The following ADAMTS17 variants were observed in gnomAD, a reference collection of about 807,000 sequenced individuals.
ADAMTS17 encodes A disintegrin and metalloproteinase with thrombospondin motifs 17.
In ADAMTS17, 113 loss-of-function variants were observed where a neutral mutation model predicts 141.5. The ratio of observed to expected loss-of-function variants is 0.80; its 90% CI spans 0.69 to 0.93. ADAMTS17 has a LOEUF of 0.93. Ranked by LOEUF, ADAMTS17 falls within the 40% of genes least tolerant of loss-of-function variation. The probability of loss-of-function intolerance (pLI) is 0.00; values close to 1 mark genes in which losing one functional copy is unlikely to be tolerated. For synonymous variants in ADAMTS17, 768 were observed against 630.6 expected (o/e 1.22, Z -3.27); for missense variants, 1,659 against 1,517.9 (o/e 1.09, Z -1.54).
At chr15:100,201,309 A>T (rs2041323131) in intron 7 of ADAMTS17, among the ~76,000 whole-genome samples, 1 of 151,780 alleles carries the variant, frequency 6.6e-6, no homozygotes, top group African/African-American at 2.4e-5. Flanking sequence ...TGATGGTTTT[A>T]GGAGTGTTTG....
At chr15:100,023,111 G>A (rs1368676977) in intron 18 of ADAMTS17, among the ~76,000 whole-genome samples, 1 of 152,176 alleles carries the variant, frequency 6.6e-6, no homozygotes, top group East Asian at 1.9e-4. Flanking sequence ...TCAAGACCCT[G>A]AGAAAAGAGA....
intron 7 of ADAMTS17, 113 bp from the exon 8 acceptor site, chr15:100,199,536 T>C (rs1487648653): frequency 1.1e-6 from 1 of 879,594 alleles, no homozygotes; most frequent in African/African-American, 1.6e-5. Flanking sequence ...ACGGCAACAA[T>C]GGTGACTATG....
Position 100,262,021 on chromosome 15 carries a change from G to A in ADAMTS17, c.873+331C>T, listed in dbSNP as rs188625419. 2.2e-4 allele frequency among the ~76,000 whole-genome samples: 33 copies of A among 152,260 alleles called. 1 individual carries two copies. In the East Asian group the frequency reaches 6.4e-3, roughly 29 times the overall value. ...GATGCTGCCATGAACCCAAACTGGG[G>A]TCGAAGCTCTAATGTAGTTTCAGAA... On this transcript the variant is annotated intron_variant, in intron 5 of 21. Transcript: ENST00000268070.
chr15:100,110,861 G>C (rs1392033950), intron 13 of ADAMTS17, among the ~76,000 whole-genome samples: 2 of 152,136 alleles, frequency 1.3e-5, no homozygotes, highest in African/African-American at 4.8e-5. Flanking sequence ...CCCACCTGCA[G>C]AGTTCCTGTC....
intron 18 of ADAMTS17, among the ~76,000 whole-genome samples, chr15:100,003,834 A>G (rs527588836): frequency 6.6e-6 from 1 of 152,024 alleles, no homozygotes; most frequent in Admixed American, 6.5e-5. Context: ...ATAGAGACAA[A>G]GTAGAATGAT....
At position 99,997,479 on chromosome 15, in the gene ADAMTS17, C is replaced by A; in HGVS notation, c.2702G>T (p.Arg901Leu). Residue 901 changes from arginine to leucine, a missense_variant, in exon 19 of 22, where the codon CGG becomes CTG. Arg to Leu is a moderately radical substitution (Grantham distance 102, BLOSUM62 -2). Coordinates refer to ENST00000268070, the MANE Select transcript of ADAMTS17 (RefSeq NM_139057.4). The surrounding 1 kb of genome is among the most constrained non-coding windows in gnomAD (Gnocchi z 4.7). ...QLQNGTHVAT[R>L]PLYCPGPRPA... is the part of the protein sequence containing the mutation. ...CCGGGGGCCCGGGCAGTAGAGGGGC[C>A]GCGTAGCGACGTGTGTGCCGTTCTG... 6.2e-7 allele frequency: 1 copy of A among 1,613,486 alleles called. No individual in the cohort carries two copies. Among genetic ancestry groups the A allele is most frequent in the Non-Finnish European group, 8.5e-7 (1 of 1,179,968 alleles).
chr15:100,004,618 T>TA (rs2061001004), intron 18 of ADAMTS17, among the ~76,000 whole-genome samples: 1 of 23,510 alleles, frequency 4.3e-5, no homozygotes, highest in African/African-American at 2.7e-4. Flanking sequence ...ACTGTAATTC[T>TA]TTTTTTTTTT....
At position 100,133,364 on chromosome 15, in the gene ADAMTS17, C is replaced by G. The variant is rs575472375; in HGVS notation, c.1474-49G>C. Reference sequence around the variant, plus strand: ...TAATTGTGGAGAACACCCACACTCACAGGTCACAGCTGGGGTCAGAGGTGT... The same window carrying G: ...TAATTGTGGAGAACACCCACACTCAGAGGTCACAGCTGGGGTCAGAGGTGT... On this transcript the variant is annotated intron_variant, in intron 10 of 21. Transcript: ENST00000268070. 2.0e-5 allele frequency: 30 copies of G among 1,527,086 alleles called. No homozygotes were observed. The East Asian group carries it at 2.2e-4, about 11-fold the overall frequency. 94.6% of individuals were successfully genotyped at this position (1,527,086 alleles called of 1,614,324 possible).
intron 15 of ADAMTS17, among the ~76,000 whole-genome samples, chr15:100,087,548 T>C (rs1256927570): frequency 6.6e-6 from 1 of 152,190 alleles, no homozygotes; most frequent in African/African-American, 2.4e-5. Flanking sequence ...AAGAGAATTT[T>C]AGACCAATAT....
chr15:100,039,104 T>C (rs2727137), intron 18 of ADAMTS17, among the ~76,000 whole-genome samples: 7,017 of 152,266 alleles, frequency 0.046, 329 homozygotes, highest in African/African-American at 0.12. Flanking sequence ...CATTCCTGCT[T>C]TCGTTCTTTA....
chr15:100,027,077 G>A (rs1284590535), intron 18 of ADAMTS17, among the ~76,000 whole-genome samples: 1 of 152,164 alleles, frequency 6.6e-6, no homozygotes. Flanking sequence ...GGAGAACAGG[G>A]TGAACAACAG....
intron 15 of ADAMTS17, among the ~76,000 whole-genome samples, chr15:100,078,114 AAAG>A (rs1201315300): frequency 6.6e-6 from 1 of 152,252 alleles, no homozygotes; most frequent in Non-Finnish European, 1.5e-5. Flanking sequence ...AAATAAATGG[AAAG>A]ATATTTTATA....
chr15:100,157,208 C>G (rs970966123), intron 8 of ADAMTS17, among the ~76,000 whole-genome samples: 3 of 152,190 alleles, frequency 2.0e-5, no homozygotes, highest in African/African-American at 7.2e-5. Context: ...TCCCTCGACA[C>G]ATTGGATTAC....
At chr15:100,101,961 G>A (rs1175110872) in intron 14 of ADAMTS17, among the ~76,000 whole-genome samples, 1 of 152,180 alleles carries the variant, frequency 6.6e-6, no homozygotes, top group Non-Finnish European at 1.5e-5. Context: ...CTGGGTGAGT[G>A]CCACCAGGGC....
chr15:100,044,381 GAAT>G lies in ADAMTS17; in HGVS notation c.2591+4473_2591+4475del, dbSNP rs140372032. Among the ~76,000 whole-genome samples the G allele has an allele frequency of 6.0e-3, 920 of 152,228 alleles. 10 individuals are homozygous for G. Among genetic ancestry groups the G allele is most frequent in the African/African-American group, 0.021 (863 of 41,544 alleles). ...TTTTTTCCTTCCCATTTTCTAGACT[GAAT>G]AATGTCTAATCCTCTATCTTCAAGT... On this transcript the variant is annotated intron_variant, in intron 18 of 21. Coordinates refer to ENST00000268070, the MANE Select transcript of ADAMTS17 (RefSeq NM_139057.4).
intron 14 of ADAMTS17, among the ~76,000 whole-genome samples, chr15:100,107,535 T>C (rs2036484289): frequency 6.6e-6 from 1 of 152,150 alleles, no homozygotes; most frequent in Non-Finnish European, 1.5e-5. Context: ...TGAATGTTTG[T>C]GTCTCCTCAA....
At chr15:100,032,924 G>A (rs930172945) in intron 18 of ADAMTS17, among the ~76,000 whole-genome samples, 6 of 152,138 alleles carry the variant, frequency 3.9e-5, no homozygotes, top group Non-Finnish European at 7.4e-5. Flanking sequence ...GAGCAACAGT[G>A]AACTGGCCCA....
At chr15:100,030,312 G>T (rs778414605) in intron 18 of ADAMTS17, among the ~76,000 whole-genome samples, 2 of 152,162 alleles carry the variant, frequency 1.3e-5, no homozygotes, top group Non-Finnish European at 2.9e-5. Context: ...CCTTAATGTC[G>T]TAAGGAATTC....
intron 7 of ADAMTS17, among the ~76,000 whole-genome samples, chr15:100,241,132 T>G (rs1328642701): frequency 7.2e-6 from 1 of 139,148 alleles, no homozygotes; most frequent in Non-Finnish European, 1.5e-5. Flanking sequence ...CCTATCTGGC[T>G]TTTTTTGGTG....
Sources: gnomAD v4.1 joint callset for allele counts (sites outside exome capture counted in the v4.1 genomes callset) on GRCh38, gnomAD v4.1.1 for gene constraint, Gnocchi (gnomAD v3.1) non-coding constraint, MANE v1.5 for transcripts, NCBI Gene and HGNC (gene_info 2026-07-23, HGNC 2026-07-21) for gene names.